PODNL1: variants seen among roughly 807,000 people sequenced by gnomAD.
PODNL1 encodes podocan-like protein 1.
Under a neutral mutation model 45.1 loss-of-function variants are expected in PODNL1, and 50 were observed. The observed-to-expected ratio is 1.11, with a 90% CI of 0.88 to 1.40. The LOEUF is 1.40. PODNL1 is among the 40% of genes most tolerant of loss of function. The pLI, the probability that PODNL1 is intolerant of heterozygous loss-of-function variation, is 0.00. For missense variants in PODNL1, 788 were observed against 793.3 expected (o/e 0.99, Z 0.08); for synonymous variants, 406 against 372.5 (o/e 1.09, Z -1.04).
chr19:13,948,047 A>G (rs1050371576), intron 1 of PODNL1, among the ~76,000 whole-genome samples: 11 of 151,728 alleles, frequency 7.2e-5, no homozygotes, highest in Middle Eastern at 3.4e-3. Flanking sequence ...TAGAGATGGG[A>G]TCTCACTATG....
chr19:13,936,340 A>G (rs1399564541), intron 3 of PODNL1, 27 bp downstream of exon 3: 1 of 1,584,844 alleles, frequency 6.3e-7, no homozygotes, highest in Admixed American at 1.7e-5. Flanking sequence ...ACAGCCCCAG[A>G]GAGGCCGCCT....
chr19:13,950,627 T>G (rs1408813145), intron 1 of PODNL1, among the ~76,000 whole-genome samples: 1 of 152,226 alleles, frequency 6.6e-6, no homozygotes, highest in Non-Finnish European at 1.5e-5. Context: ...GACTTATCAC[T>G]GGTGATGTTG....
chr19:13,952,436 G>GA, intron 1 of PODNL1: 1 of 1,241,678 alleles, frequency 8.1e-7, no homozygotes. Flanking sequence ...CCGCTGTCCC[G>GA]AAAAAGGACC....
intron 1 of PODNL1, among the ~76,000 whole-genome samples, chr19:13,950,385 G>A: frequency 6.6e-6 from 1 of 151,980 alleles, no homozygotes; most frequent in East Asian, 1.9e-4. Flanking sequence ...GCCCAGGCTG[G>A]TCTTGATCTC....
At chr19:13,939,822 T>G (rs1972589340), upstream of PODNL1, 1 of 151,604 alleles carries the variant, frequency 6.6e-6, no homozygotes, top group African/African-American at 2.4e-5. Context: ...GAAGTGGAGA[T>G]CACATCACTG....
exon 1 of PODNL1, chr19:13,953,354 G>T (rs1973177988): frequency 3.9e-6 from 2 of 514,416 alleles, no homozygotes; most frequent in Admixed American, 3.8e-5. Context: ...GACAGGGACT[G>T]CGCCTTCTCC....
rs745701176 is a variant in PODNL1 at position 13,933,118 on chromosome 19, G to T, written c.1105C>A (p.Arg369Ser). 6.5e-7 allele frequency: 1 copy of T among 1,528,742 alleles called. No individual in the cohort carries two copies. Among genetic ancestry groups the T allele is most frequent in the South Asian group, 1.2e-5 (1 of 83,344 alleles). 94.7% of individuals were successfully genotyped at this position (1,528,742 alleles called of 1,614,324 possible). A position where few individuals can be genotyped will look rare whatever the true frequency, so the allele number is the denominator to read the frequency against. The change falls in exon 8 of 10, where the codon CGT becomes AGT. Residue 369 changes from arginine (R) to serine (S), a missense_variant. Coordinates refer to ENST00000588872, the MANE Select transcript of PODNL1 (RefSeq NM_001370095.3). The surrounding 1 kb of genome is among the most constrained non-coding windows in gnomAD (Gnocchi z 5.2). ...AGGCCCGGTGTGGCGACCAGGTCAC[G>T]GGCACCCAGCGCGGCCACGTGGTTG... is the stretch of plus-strand genomic sequence containing the variant. Reference protein sequence around the residue: ...PHNHVAALGARDLVATPGLTE... With the variant: ...PHNHVAALGASDLVATPGLTE...
chr19:13,932,086 C>T lies in PODNL1; in HGVS notation c.1452G>A (p.Leu484=), dbSNP rs1320601256. ...LQMLDLSHNE[L]SFVPPDLPEA... ...CAGGCAGGTCCGGGGGCACAAAGGA[C>T]AGCTCATTGTGGCTGAGGTCCAGCA... Residue 484 remains leucine, a synonymous_variant, in exon 9 of 10, where the codon CTG becomes CTA. Coordinates refer to ENST00000588872, the MANE Select transcript of PODNL1 (RefSeq NM_001370095.3). 1 of 1,233,034 alleles carries T rather than the reference C, an allele frequency of 8.1e-7. No homozygotes were observed. Among genetic ancestry groups the T allele is most frequent in the Non-Finnish European group, 1.0e-6 (1 of 988,664 alleles). The allele number at this position is 1,233,034 out of a possible 1,614,324, so 76.4% of individuals were successfully genotyped here. A position where few individuals can be genotyped will look rare whatever the true frequency, so the allele number is the denominator to read the frequency against.
At position 13,937,959 on chromosome 19, in the gene PODNL1, GACGGGCGGGGGCCCCGGCA is replaced by G. The variant is rs749045807; in HGVS notation, c.32_50del (p.Leu11SerfsTer134). 8 of 1,542,274 alleles carry G rather than the reference GACGGGCGGGGGCCCCGGCA, an allele frequency of 5.2e-6. No individual in the cohort carries two copies. The Middle Eastern group carries it at 5.1e-4, about 98-fold the overall frequency. ...GGAAGGCAGCGTCTTCCAAGCCGGC[GACGGGCGGGGGCCCCGGCA>G]ACAGCAGGAGCAGCAGCAGGCTCGG... On this transcript the variant is annotated frameshift_variant, in exon 2 of 10. Coordinates refer to ENST00000588872, the MANE Select transcript of PODNL1 (RefSeq NM_001370095.3). LOFTEE classifies it high-confidence loss of function.
At chr19:13,952,652 C>G in intron 1 of PODNL1, 1 of 1,212,428 alleles carries the variant, frequency 8.2e-7, no homozygotes, top group Non-Finnish European at 1.0e-6. Flanking sequence ...AAGGTGAGGC[C>G]TGGAGCCGGA....
At chr19:13,935,898 G>A in intron 4 of PODNL1, 68 bp from the exon 5 acceptor site, 1 of 1,543,402 alleles carries the variant, frequency 6.5e-7, no homozygotes, top group Non-Finnish European at 8.8e-7. Context: ...CCCCAGCAGA[G>A]CTGTCCCCTC....
intron 1 of PODNL1, among the ~76,000 whole-genome samples, chr19:13,944,562 AT>A (rs1479808598): frequency 1.4e-5 from 2 of 144,470 alleles, no homozygotes; most frequent in African/African-American, 5.2e-5. Context: ...GGTTCAAGCG[AT>A]TCTCGTGTCT....
rs111780044 is a variant in PODNL1 at position 13,932,816 on chromosome 19, A to C, written c.1407T>G (p.His469Gln). Reference sequence around the variant, plus strand: ...GCCTGACCTGGAGGGCTTGGAGCTCATGCCAGGTGCCTGGCCCGATGTCGC... The same window carrying C: ...GCCTGACCTGGAGGGCTTGGAGCTCCTGCCAGGTGCCTGGCCCGATGTCGC... ...RVGDIGPGTW[H>Q]ELQALQMLDL... The change falls in exon 8 of 10, where the codon CAT (histidine) becomes CAG (glutamine). Residue 469 changes from histidine (H) to glutamine (Q), a missense_variant. By Grantham distance (24) the His-to-Gln change is conservative. This residue lies in a region of PODNL1 where 762 missense variants were observed against 750.9 expected (regional missense o/e 1.01). Coordinates refer to ENST00000588872, the MANE Select transcript of PODNL1 (RefSeq NM_001370095.3). 3,517 of 1,612,974 alleles carry C rather than the reference A, an allele frequency of 2.2e-3. 69 individuals are homozygous for C. The African/African-American group carries it at 0.041, about 19-fold the overall frequency.
In PODNL1 at chr19:13,933,728, A is replaced by C; in HGVS notation, c.767+150T>G. 5.6e-6 allele frequency: 4 copies of C among 710,452 alleles called. No homozygotes were observed. Among genetic ancestry groups the C allele is most frequent in the Non-Finnish European group, 7.1e-6 (3 of 424,234 alleles). 44.0% of individuals were successfully genotyped at this position (710,452 alleles called of 1,614,324 possible). A position where few individuals can be genotyped will look rare whatever the true frequency, so the allele number is the denominator to read the frequency against. On this transcript the variant is annotated intron_variant, in intron 7 of 9. Coordinates refer to ENST00000588872, the MANE Select transcript of PODNL1 (RefSeq NM_001370095.3). This position sits in a 1 kb window ranked among gnomAD's most constrained non-coding sequence, Gnocchi z 5.2. ...CAGTGCAGGGCTGTGGGGAACAGGG[A>C]CACCTACCCAGTGCTCTGCCGAGCC... is the stretch of plus-strand genomic sequence containing the variant.
intron 8 of PODNL1, 57 bp from the exon 9 acceptor site, chr19:13,932,169 C>A (rs1390624857): frequency 3.2e-6 from 4 of 1,235,732 alleles, no homozygotes; most frequent in Non-Finnish European, 4.0e-6. Flanking sequence ...CCACTCAGCT[C>A]AGCCAGCCCC....
At chr19:13,953,263 C>T in exon 1 of PODNL1, 1 of 946,154 alleles carries the variant, frequency 1.1e-6, no homozygotes, top group South Asian at 1.8e-5. Context: ...CTCTCTCCCC[C>T]ATCAGTTTGG....
At chr19:13,952,710 G>A in intron 1 of PODNL1, 2 of 1,300,964 alleles carry the variant, frequency 1.5e-6, no homozygotes, top group Non-Finnish European at 1.9e-6. Flanking sequence ...GGAGGCGGAG[G>A]GAGGAGGGCG....
At chr19:13,938,705 C>G (rs1972541735), upstream of PODNL1, among the ~76,000 whole-genome samples, 1 of 152,202 alleles carries the variant, frequency 6.6e-6, no homozygotes, top group Admixed American at 6.5e-5. Flanking sequence ...GTCTGCTGCC[C>G]GGCACCCACC....
rs775248215 is a variant in PODNL1, at chr19:13,933,845, C to T, written c.767+33G>A. 2 of 1,550,666 alleles carry T rather than the reference C, an allele frequency of 1.3e-6. No homozygotes were observed. The highest frequency in any genetic ancestry group is 2.2e-4 in the Middle Eastern group (1 of 4,546). ...AGGTTGGGACCCCCGACTGTAAATT[C>T]TCAGCCCCTGCTGCCCCCCAACCAG... On this transcript the variant is annotated intron_variant, in intron 7 of 9. Coordinates refer to ENST00000588872, the MANE Select transcript of PODNL1 (RefSeq NM_001370095.3). This position sits in a 1 kb window ranked among gnomAD's most constrained non-coding sequence, Gnocchi z 5.2.
Sources: allele counts gnomAD v4.1 joint callset (sites outside exome capture counted in the v4.1 genomes callset), GRCh38; gene constraint gnomAD v4.1.1; regional missense constraint gnomAD v4.1.1; non-coding constraint Gnocchi (gnomAD v3.1); transcripts MANE v1.5; gene names NCBI Gene and HGNC (gene_info 2026-07-23, HGNC 2026-07-21).